The following RORC variants were observed in gnomAD, a reference collection of about 807,000 sequenced individuals.
RORC encodes RAR related orphan receptor C.
Under a neutral mutation model 64.5 loss-of-function variants are expected in RORC, and 13 were observed. The ratio of observed to expected loss-of-function variants is 0.20; its 90% CI spans 0.13 to 0.32. The LOEUF is 0.32. Ranked by LOEUF, RORC falls within the 10% of genes least tolerant of loss-of-function variation. RORC has a pLI of 1.00. For synonymous variants in RORC, 277 were observed against 259.3 expected (o/e 1.07, Z -0.65); for missense variants, 468 against 669.5 (o/e 0.70, Z 3.32).
intron 2 of RORC, among the ~76,000 whole-genome samples, chr1:151,818,970 G>A (rs1247531133): frequency 6.6e-6 from 1 of 152,134 alleles, no homozygotes; most frequent in Non-Finnish European, 1.5e-5. Flanking sequence ...TGACCCTGAC[G>A]GGGACAGGGC....
intron 2 of RORC, among the ~76,000 whole-genome samples, chr1:151,820,313 T>G (rs147166250): frequency 2.6e-5 from 4 of 152,194 alleles, no homozygotes; most frequent in African/African-American, 9.6e-5. Flanking sequence ...CCTCTGATGA[T>G]AACTCACCTT....
Position 151,814,576 on chromosome 1 carries a change from T to G in RORC, c.931A>C (p.Lys311Gln), listed in dbSNP as rs1651672789. 1.2e-6 allele frequency: 2 copies of G among 1,611,216 alleles called. No homozygotes were observed. The highest frequency in any genetic ancestry group is 1.7e-6 in the Non-Finnish European group (2 of 1,178,436). Reference protein sequence around the residue: ...SREEVTGYQRKSMWEMWERCA... With the variant: ...SREEVTGYQRQSMWEMWERCA... ...TCCTGCAGGTCTCCTGGCCTCACCT[T>G]CCTCTGGTAGCCAGTCACTTCCTCC... The change falls in exon 6 of 11, where the codon AAG becomes CAG. Residue 311 changes from lysine to glutamine, a missense_variant and splice_region_variant. Lys to Gln is a moderately conservative substitution (Grantham distance 53). Transcript: ENST00000318247.
intron 6 of RORC, 195 bp from the exon 7 acceptor site, chr1:151,813,815 C>A: frequency 1.7e-6 from 1 of 596,830 alleles, no homozygotes; most frequent in Non-Finnish European, 2.9e-6. Flanking sequence ...GAGCACCTAC[C>A]GGCTGCTGAC....
chr1:151,813,897 G>A lies in RORC; in HGVS notation c.934-277C>T, dbSNP rs570943546. 9 of 421,336 alleles carry A rather than the reference G, an allele frequency of 2.1e-5. No individual in the cohort carries two copies. The East Asian group carries it at 2.2e-4, about 10-fold the overall frequency. 26.1% of individuals were successfully genotyped at this position (421,336 alleles called of 1,614,324 possible). ...TTTGCCCTCCAACAAGGTATATCTC[G>A]TTGAGGTGAACAGGACATACAGCTG... is the stretch of plus-strand genomic sequence containing the variant. On this transcript the variant is annotated intron_variant, in intron 6 of 10. Transcript: ENST00000318247.
chr1:151,813,156 C>A, intron 8 of RORC, 83 bp downstream of exon 8: 1 of 1,494,086 alleles, frequency 6.7e-7, no homozygotes, highest in South Asian at 1.1e-5. Flanking sequence ...GCAATTCGCC[C>A]TGAAAAGAGG....
At chr1:151,826,430 A>T (rs996007382) in intron 2 of RORC, among the ~76,000 whole-genome samples, 4 of 152,194 alleles carry the variant, frequency 2.6e-5, no homozygotes, top group Non-Finnish European at 1.5e-5. Flanking sequence ...CTTCAGGGAC[A>T]GGGATGTTTT....
intron 7 of RORC, 61 bp from the exon 8 acceptor site, chr1:151,813,407 T>A: frequency 6.2e-7 from 1 of 1,606,912 alleles, no homozygotes; most frequent in Non-Finnish European, 8.5e-7. Flanking sequence ...TCTGACTCTG[T>A]CCCCCTGATT....
chr1:151,824,173 C>T (rs1652101669), intron 2 of RORC, among the ~76,000 whole-genome samples: 1 of 152,146 alleles, frequency 6.6e-6, no homozygotes, highest in Non-Finnish European at 1.5e-5. Context: ...GGTTGGCACT[C>T]ATTGGGGTCA....
In RORC at chr1:151,824,017, C is replaced by T. The variant is rs116348761; in HGVS notation, c.70+5412G>A. Among the ~76,000 whole-genome samples the T allele has an allele frequency of 3.8e-3, 574 of 152,290 alleles. 5 individuals carry two copies. Among genetic ancestry groups the T allele is most frequent in the African/African-American group, 0.013 (560 of 41,548 alleles). ...TCTCTCCCTAGGTGTTCCAGAAACT[C>T]GCCCTCTGAGTTGGGCCTCTGCATC... On this transcript the variant is annotated intron_variant, in intron 2 of 10. Coordinates refer to ENST00000318247, the MANE Select transcript of RORC (RefSeq NM_005060.4).
intron 10 of RORC, among the ~76,000 whole-genome samples, chr1:151,808,875 T>C (rs1253090276): frequency 6.6e-6 from 1 of 152,102 alleles, no homozygotes; most frequent in Non-Finnish European, 1.5e-5. Context: ...TTTGGAAAAC[T>C]GGGGGAAGAA....
chr1:151,831,289 G>C (rs897560459), intron 1 of RORC, among the ~76,000 whole-genome samples: 1 of 152,122 alleles, frequency 6.6e-6, no homozygotes, highest in African/African-American at 2.4e-5. Flanking sequence ...TGAACAGAAG[G>C]TGGAGCAGCC....
Position 151,815,159 on chromosome 1 carries a change from T to C in RORC, c.565A>G (p.Asn189Asp). ...CCATTGAGCCCTGCCTTGGCCAAGT[T>C]GTTGGAATATGAGGGCCCAGAGCCT... Reference protein sequence around the residue: ...ASGSGPSYSNNLAKAGLNGAS... With the variant: ...ASGSGPSYSNDLAKAGLNGAS... The change falls in exon 5 of 11, where the codon AAC (asparagine) becomes GAC (aspartate). Residue 189 changes from asparagine to aspartate, a missense_variant. By Grantham distance (23) the Asn-to-Asp change is conservative. Transcript: ENST00000318247. The C allele has an allele frequency of 6.2e-7, 1 of 1,613,944 alleles. No homozygotes were observed. The highest frequency in any genetic ancestry group is 2.2e-5 in the East Asian group (1 of 44,886).
At position 151,807,544 on chromosome 1, in the gene RORC, T is replaced by C. The variant is rs200884022; in HGVS notation, c.1485A>G (p.Gln495=). ...IFQHLHPIVV[Q]AAFPPLYKEL... ...CCTTGTAGAGTGGAGGGAAAGCGGCTTGGACCACGATGGGGTGGAGGTGCT... is the reference window on the plus strand; with the variant it reads ...CCTTGTAGAGTGGAGGGAAAGCGGCCTGGACCACGATGGGGTGGAGGTGCT... Residue 495 remains glutamine, a synonymous_variant, in exon 11 of 11, where the codon CAA becomes CAG. Coordinates refer to ENST00000318247, the MANE Select transcript of RORC (RefSeq NM_005060.4). This position sits in a 1 kb window ranked among gnomAD's most constrained non-coding sequence, Gnocchi z 5.0. 2 of 1,614,030 alleles carry C rather than the reference T, an allele frequency of 1.2e-6. No individual in the cohort carries two copies. The highest frequency in any genetic ancestry group is 1.7e-6 in the Non-Finnish European group (2 of 1,180,010).
intron 2 of RORC, among the ~76,000 whole-genome samples, chr1:151,825,449 G>C (rs954104610): frequency 2.6e-5 from 4 of 152,112 alleles, no homozygotes; most frequent in African/African-American, 9.7e-5. Context: ...GACTCTCGCT[G>C]TCCTGTTGCT....
Position 151,811,387 on chromosome 1 carries a change from T to G in RORC, c.1333A>C (p.Asn445His). 1 of 1,614,050 alleles carries G rather than the reference T, an allele frequency of 6.2e-7. No individual in the cohort carries two copies. Among genetic ancestry groups the G allele is most frequent in the Non-Finnish European group, 8.5e-7 (1 of 1,179,934 alleles). ...TGATGATGAAAGGCCAGCTCCAGAT[T>G]GTACTGCAGCTGTTCTACTTTCCTT... ...EKRKVEQLQY[N>H]LELAFHHHLC... Residue 445 changes from asparagine (N) to histidine (H), a missense_variant, in exon 10 of 11, where the codon AAT becomes CAT. Around this residue, in one of 5 missense-constraint regions of RORC, gnomAD observed 93 missense variants for 116.6 expected, o/e 0.80. Transcript: ENST00000318247.
chr1:151,826,934 A>G (rs1291946578), intron 2 of RORC, among the ~76,000 whole-genome samples: 1 of 152,196 alleles, frequency 6.6e-6, no homozygotes, highest in Non-Finnish European at 1.5e-5. Flanking sequence ...CCTGGCCAAC[A>G]TGGTGAAACC....
chr1:151,807,678 T>G lies in RORC; in HGVS notation c.1396-45A>C. ...GAAGGGAGGGTCAATACTTCAGCTC[T>G]CCTCAGAGCAAAGAAGTCCGCTCAT... On this transcript the variant is annotated intron_variant, in intron 10 of 10. Transcript: ENST00000318247. This position sits in a 1 kb window ranked among gnomAD's most constrained non-coding sequence, Gnocchi z 5.0. The G allele has an allele frequency of 6.2e-7, 1 of 1,600,042 alleles. No homozygotes were observed. Among genetic ancestry groups the G allele is most frequent in the Non-Finnish European group, 8.5e-7 (1 of 1,170,078 alleles).
chr1:151,820,504 C>A (rs1046844245), intron 2 of RORC, among the ~76,000 whole-genome samples: 1 of 152,124 alleles, frequency 6.6e-6, no homozygotes, highest in Admixed American at 6.5e-5. Flanking sequence ...AGGTCAGGAA[C>A]CTCGAACCAG....
rs201478663 is a variant in RORC at position 151,817,237 on chromosome 1, C to A, written c.114G>T (p.Ser38=). The A allele has an allele frequency of 1.2e-6, 2 of 1,614,154 alleles. No homozygotes were observed. Among genetic ancestry groups the A allele is most frequent in the East Asian group, 2.2e-5 (1 of 44,870 alleles). ...VIPCKICGDK[S]SGIHYGVITC... ...TGATAACCCCGTAGTGGATCCCAGACGACTTGTCCCCACAGATTTTGCAAG... is the reference window on the plus strand; with the variant it reads ...TGATAACCCCGTAGTGGATCCCAGAAGACTTGTCCCCACAGATTTTGCAAG... The change falls in exon 3 of 11, where the codon TCG becomes TCT. Residue 38 remains serine, a synonymous_variant. Transcript: ENST00000318247.
Sources: allele counts gnomAD v4.1 joint callset (sites outside exome capture counted in the v4.1 genomes callset), GRCh38; gene constraint gnomAD v4.1.1; regional missense constraint gnomAD v4.1.1; non-coding constraint Gnocchi (gnomAD v3.1); transcripts MANE v1.5; gene names NCBI Gene and HGNC (gene_info 2026-07-23, HGNC 2026-07-21).